ALDH1A3: variants seen among roughly 807,000 people sequenced by gnomAD.
The protein encoded by ALDH1A3 is aldehyde dehydrogenase 1 family member A3, also known as retinaldehyde dehydrogenase 3.
In ALDH1A3, 28 loss-of-function variants were observed where a neutral mutation model predicts 57.5. That is an observed-to-expected ratio of 0.49 (90% CI 0.36 to 0.67). The LOEUF (loss-of-function observed/expected upper bound fraction) is 0.67. ALDH1A3 is among the 30% of genes least tolerant of loss of function. The pLI, the probability that ALDH1A3 is intolerant of heterozygous loss-of-function variation, is 0.00. For synonymous variants in ALDH1A3, 281 were observed against 264.8 expected (o/e 1.06, Z -0.59); for missense variants, 507 against 669.4 (o/e 0.76, Z 2.68).
intron 12 of ALDH1A3, among the ~76,000 whole-genome samples, chr15:100,908,994 C>G (rs1190385282): frequency 6.6e-6 from 1 of 152,180 alleles, no homozygotes; most frequent in African/African-American, 2.4e-5. Context: ...TATATGCAAG[C>G]CTACTGCAAA....
At chr15:100,913,302 G>A (rs1320010564) in intron 12 of ALDH1A3, 1 of 152,194 alleles carries the variant, frequency 6.6e-6, no homozygotes, top group Non-Finnish European at 1.5e-5. Context: ...TTATAGTTCT[G>A]TAGGATAAAA....
At chr15:100,888,192 A>T (rs957952668) in intron 3 of ALDH1A3, among the ~76,000 whole-genome samples, 1 of 152,042 alleles carries the variant, frequency 6.6e-6, no homozygotes, top group African/African-American at 2.4e-5. Context: ...TCTGCCTCCC[A>T]GGTTAAAATG....
At position 100,889,355 on chromosome 15, in the gene ALDH1A3, A is replaced by G. The variant is rs1403029627; in HGVS notation, c.345+1643A>G. ...GCCGTACTCTTGGGTGCATTTCCCT[A>G]AGGGTGCATCCACACAGAAACTCGA... On this transcript the variant is annotated intron_variant, in intron 3 of 12. Transcript: ENST00000329841. The surrounding 1 kb of genome is among the most constrained non-coding windows in gnomAD (Gnocchi z 5.1). 6.6e-6 allele frequency among the ~76,000 whole-genome samples: 1 copy of G among 152,052 alleles called. No individual in the cohort carries two copies. Among genetic ancestry groups the G allele is most frequent in the Non-Finnish European group, 1.5e-5 (1 of 67,992 alleles).
At chr15:100,897,965 C>A in intron 7 of ALDH1A3, 118 bp from the exon 8 acceptor site, 1 of 878,834 alleles carries the variant, frequency 1.1e-6, no homozygotes, top group Non-Finnish European at 1.8e-6. Flanking sequence ...AGCGCCTGGG[C>A]CGAGAGCCAG....
At position 100,879,997 on chromosome 15, in the gene ALDH1A3, G is replaced by C. The variant is rs2041529475; in HGVS notation, c.90G>C (p.Lys30Asn). 1 of 1,466,642 alleles carries C rather than the reference G, an allele frequency of 6.8e-7. No individual in the cohort carries two copies. Among genetic ancestry groups the C allele is most frequent in the African/African-American group, 1.5e-5 (1 of 68,102 alleles). The allele number at this position is 1,466,642 out of a possible 1,614,324, so 90.9% of individuals were successfully genotyped here. A position where few individuals can be genotyped will look rare whatever the true frequency, so the allele number is the denominator to read the frequency against. Residue 30 changes from lysine to asparagine, a missense_variant, in exon 1 of 13, where the codon AAG becomes AAC. By Grantham distance (94) the Lys-to-Asn change is moderately conservative. Coordinates refer to ENST00000329841, the MANE Select transcript of ALDH1A3 (RefSeq NM_000693.4). ...GCCCCATCCGCAACCTGGAGGTCAA[G>C]TTCACCAAGGTGAGGCGGGCGCCCC... is the stretch of plus-strand genomic sequence containing the variant. ...LPRPIRNLEV[K>N]FTKIFINNEW... is the part of the protein sequence containing the mutation.
intron 1 of ALDH1A3, among the ~76,000 whole-genome samples, chr15:100,883,216 A>T (rs1056005938): frequency 6.6e-6 from 1 of 152,134 alleles, no homozygotes; most frequent in Non-Finnish European, 1.5e-5. Context: ...TTTCACTGAC[A>T]GTCTCTATTA....
At chr15:100,911,485 G>A (rs1256876170) in intron 12 of ALDH1A3, among the ~76,000 whole-genome samples, 4 of 152,230 alleles carry the variant, frequency 2.6e-5, no homozygotes, top group East Asian at 1.9e-4. Flanking sequence ...AGAGGTAAAC[G>A]TTGTTCCATC....
In ALDH1A3 at chr15:100,914,866, G is replaced by C; in HGVS notation, c.*93G>C. 3 of 1,179,458 alleles carry C rather than the reference G, an allele frequency of 2.5e-6. No individual in the cohort carries two copies. Among genetic ancestry groups the C allele is most frequent in the Non-Finnish European group, 3.7e-6 (3 of 816,862 alleles). The allele number at this position is 1,179,458 out of a possible 1,614,324, so 73.1% of individuals were successfully genotyped here. A position where few individuals can be genotyped will look rare whatever the true frequency, so the allele number is the denominator to read the frequency against. ...AAAAAATGACATTTCTGACCTTCCCGGGACACATTCTTCTGGAGGCTTTAC... is the reference window on the plus strand; with the variant it reads ...AAAAAATGACATTTCTGACCTTCCCCGGACACATTCTTCTGGAGGCTTTAC... On this transcript the variant is annotated 3_prime_UTR_variant, in exon 13 of 13. Coordinates refer to ENST00000329841, the MANE Select transcript of ALDH1A3 (RefSeq NM_000693.4).
intron 9 of ALDH1A3, among the ~76,000 whole-genome samples, chr15:100,902,452 T>C (rs1365859538): frequency 6.6e-6 from 1 of 152,260 alleles, no homozygotes; most frequent in Non-Finnish European, 1.5e-5. Flanking sequence ...TAAATAGTCC[T>C]GTCTGTCTCA....
At chr15:100,896,965 C>T (rs140838542) in intron 7 of ALDH1A3, among the ~76,000 whole-genome samples, 1,722 of 152,166 alleles carry the variant, frequency 0.011, 28 homozygotes, top group African/African-American at 0.039. Flanking sequence ...GGGGTGGGCT[C>T]GGGGCAGAGC....
Position 100,894,370 on chromosome 15 carries a change from G to A in ALDH1A3, c.666+288G>A, listed in dbSNP as rs1036407248. 7.2e-6 allele frequency: 2 copies of A among 277,332 alleles called. No individual in the cohort carries two copies. The highest frequency in any genetic ancestry group is 4.3e-5 in the African/African-American group (2 of 46,198). 17.2% of individuals were successfully genotyped at this position (277,332 alleles called of 1,614,324 possible). ...GGTTTGTCTAGAGAATTTTCAGGGG[G>A]GGTCAACCAAGAGGGAGCCAAATAT... On this transcript the variant is annotated intron_variant, in intron 6 of 12. Coordinates refer to ENST00000329841, the MANE Select transcript of ALDH1A3 (RefSeq NM_000693.4). This position sits in a 1 kb window ranked among gnomAD's most constrained non-coding sequence, Gnocchi z 4.5.
chr15:100,911,449 C>G lies in ALDH1A3; in HGVS notation c.1466+2967C>G, dbSNP rs143751862. Among the ~76,000 whole-genome samples the G allele has an allele frequency of 7.8e-3, 1,181 of 152,384 alleles. 24 individuals carry two copies. The highest frequency in any genetic ancestry group is 0.027 in the African/African-American group (1,124 of 41,594). On this transcript the variant is annotated intron_variant, in intron 12 of 12. Coordinates refer to ENST00000329841, the MANE Select transcript of ALDH1A3 (RefSeq NM_000693.4). ...AGAGATATGGAAAGTCAAGGCTTCC[C>G]TCCCTGACCTTCAGTCCCATTTGTT...
intron 8 of ALDH1A3, among the ~76,000 whole-genome samples, chr15:100,899,080 G>A (rs375424654): frequency 6.6e-5 from 10 of 152,322 alleles, no homozygotes; most frequent in African/African-American, 2.2e-4. Context: ...TTACTAAGGT[G>A]TAAATGACTG....
rs972949708 is a variant in ALDH1A3, at chr15:100,887,206, G to A, written c.205-366G>A. 3.9e-5 allele frequency among the ~76,000 whole-genome samples: 6 copies of A among 152,170 alleles called. No homozygotes were observed. Among genetic ancestry groups the A allele is most frequent in the East Asian group, 1.9e-4 (1 of 5,196 alleles). ...TGCTGCTTGCAGCCTGTCTGCCAGC[G>A]GGACAATCTGCTGTTCTCTATAACT... On this transcript the variant is annotated intron_variant, in intron 2 of 12. Transcript: ENST00000329841. This position sits in a 1 kb window ranked among gnomAD's most constrained non-coding sequence, Gnocchi z 4.6.
chr15:100,891,550 T>C (rs1030449448), intron 3 of ALDH1A3, among the ~76,000 whole-genome samples: 2 of 152,262 alleles, frequency 1.3e-5, no homozygotes, highest in Non-Finnish European at 2.9e-5. Flanking sequence ...CGTCCGTGCC[T>C]GCACCTTGAA....
chr15:100,914,882 G>C lies in ALDH1A3; in HGVS notation c.*109G>C, dbSNP rs1596138560. The C allele has an allele frequency of 2.9e-5, 29 of 993,598 alleles. No homozygotes were observed. The East Asian group carries it at 7.2e-4, about 25-fold the overall frequency. 61.5% of individuals were successfully genotyped at this position (993,598 alleles called of 1,614,324 possible). A position where few individuals can be genotyped will look rare whatever the true frequency, so the allele number is the denominator to read the frequency against. On this transcript the variant is annotated 3_prime_UTR_variant, in exon 13 of 13. Coordinates refer to ENST00000329841, the MANE Select transcript of ALDH1A3 (RefSeq NM_000693.4). ...GACCTTCCCGGGACACATTCTTCTG[G>C]AGGCTTTACATCTACTGGAGTTGAA...
intron 2 of ALDH1A3, among the ~76,000 whole-genome samples, chr15:100,886,551 C>T (rs2041596643): frequency 6.6e-6 from 1 of 152,200 alleles, no homozygotes; most frequent in Non-Finnish European, 1.5e-5. Flanking sequence ...CCCAAGCCAG[C>T]TCTGGACACA....
At chr15:100,882,152 A>G (rs1285020540) in intron 1 of ALDH1A3, among the ~76,000 whole-genome samples, 4 of 152,222 alleles carry the variant, frequency 2.6e-5, no homozygotes, top group Non-Finnish European at 5.9e-5. Flanking sequence ...GCTTCTCGAT[A>G]ATGGGGCACA....
rs150186817 is a variant in ALDH1A3 at position 100,900,425 on chromosome 15, T to C, written c.884-150T>C. 4.0e-4 allele frequency: 300 copies of C among 758,936 alleles called. No homozygotes were observed. In the African/African-American group the frequency reaches 4.4e-3, roughly 11 times the overall value. 47.0% of individuals were successfully genotyped at this position (758,936 alleles called of 1,614,324 possible). On this transcript the variant is annotated intron_variant, in intron 8 of 12. Transcript: ENST00000329841. ...CTCCCTTCCTCTCTATTTGGGAAAG[T>C]CTGCAAACAAAATTAATTTCTGAAA...
Sources: gnomAD v4.1 joint callset for allele counts (sites outside exome capture counted in the v4.1 genomes callset) on GRCh38, gnomAD v4.1.1 for gene constraint, Gnocchi (gnomAD v3.1) non-coding constraint, MANE v1.5 for transcripts, NCBI Gene and HGNC (gene_info 2026-07-23, HGNC 2026-07-21) for gene names.